SIRPB2: variants seen among roughly 807,000 people sequenced by gnomAD.
SIRPB2 encodes the protein signal regulatory protein beta 2.
A neutral mutation model predicts 27.1 loss-of-function variants in SIRPB2; 18 were observed. That is an observed-to-expected ratio of 0.66 (90% CI 0.46 to 0.98). The LOEUF (loss-of-function observed/expected upper bound fraction) is 0.98, where lower values mean the gene tolerates loss of function less well. Among genes scored for constraint, SIRPB2 ranks in the 50% least tolerant of loss-of-function variants. The pLI is 0.00. For missense variants in SIRPB2, 420 were observed against 417.4 expected (o/e 1.01, Z -0.06); for synonymous variants, 150 against 164.6 (o/e 0.91, Z 0.68).
rs1370581015 is a variant in SIRPB2, at chr20:1,479,487, C to T, written c.451+213G>A. The T allele has an allele frequency of 7.1e-6, 5 of 700,366 alleles. No individual in the cohort carries two copies. In the Admixed American group the frequency reaches 1.3e-4, roughly 18 times the overall value. 43.4% of individuals were successfully genotyped at this position (700,366 alleles called of 1,614,324 possible). On this transcript the variant is annotated intron_variant, in intron 2 of 4. Coordinates refer to ENST00000359801, the MANE Select transcript of SIRPB2 (RefSeq NM_001122962.2). ...TGCCATCTTTATGAGAAAACATGCC[C>T]CACATAGTTGCTACCTCTCCAGCCT...
intron 1 of SIRPB2, among the ~76,000 whole-genome samples, chr20:1,481,518 C>T (rs1247635802): frequency 1.3e-5 from 2 of 152,136 alleles, no homozygotes; most frequent in Admixed American, 1.3e-4. Context: ...TTGTGAATAG[C>T]TCAGTCTCAC....
chr20:1,478,458 G>T lies in SIRPB2; in HGVS notation c.601C>A (p.Arg201=), dbSNP rs373224185. 1.1e-5 allele frequency: 17 copies of T among 1,613,992 alleles called. No homozygotes were observed. The East Asian group carries it at 3.1e-4, about 30-fold the overall frequency. ...CCTCCAAAGTTGTAAATGGCCTCCCGGCTCAGACCAGCTCCCTGGAACCAC... is the reference window on the plus strand; with the variant it reads ...CCTCCAAAGTTGTAAATGGCCTCCCTGCTCAGACCAGCTCCCTGGAACCAC... ...IRWFQGAGLS[R]EAIYNFGGIS... is the part of the protein sequence containing the mutation. Residue 201 remains arginine (R), a synonymous_variant, in exon 3 of 5, where the codon CGG becomes AGG. Transcript: ENST00000359801.
chr20:1,482,495 A>T, intron 1 of SIRPB2, among the ~76,000 whole-genome samples: 1 of 145,880 alleles, frequency 6.9e-6, no homozygotes, highest in South Asian at 2.2e-4. Context: ...TGTCTGGCTC[A>T]CTCCTTCCTT....
At chr20:1,490,730 C>A (rs116915964) in intron 1 of SIRPB2, among the ~76,000 whole-genome samples, 1 of 152,150 alleles carries the variant, frequency 6.6e-6, no homozygotes, top group African/African-American at 2.4e-5. Flanking sequence ...GAGCCTACTG[C>A]GTCTTAAGCT....
intron 1 of SIRPB2, among the ~76,000 whole-genome samples, chr20:1,486,921 C>A (rs1377287228): frequency 6.6e-6 from 1 of 152,142 alleles, no homozygotes; most frequent in Non-Finnish European, 1.5e-5. Flanking sequence ...AGATCAGGAA[C>A]TAGACAAAGA....
intron 1 of SIRPB2, among the ~76,000 whole-genome samples, chr20:1,487,431 C>G (rs1438240609): frequency 1.3e-5 from 2 of 152,194 alleles, no homozygotes; most frequent in Non-Finnish European, 2.9e-5. Context: ...GCAGGCTTCA[C>G]TTTAGCATTG....
chr20:1,478,140 G>C, intron 3 of SIRPB2, 126 bp downstream of exon 3: 1 of 892,282 alleles, frequency 1.1e-6, no homozygotes. Flanking sequence ...AAGCATTCCA[G>C]GTAGAGGGAA....
intron 1 of SIRPB2, among the ~76,000 whole-genome samples, chr20:1,483,170 C>T (rs916868776): frequency 8.0e-5 from 12 of 150,268 alleles, no homozygotes; most frequent in Admixed American, 6.6e-4. Context: ...GCAGTGGCAC[C>T]ATCTCAGCTC....
intron 1 of SIRPB2, chr20:1,480,307 C>G: frequency 2.0e-6 from 1 of 492,996 alleles, no homozygotes; most frequent in Non-Finnish European, 3.6e-6. Flanking sequence ...GTGCTGGGCC[C>G]TGCGTGCATG....
At chr20:1,478,183 A>C (rs2090626223) in intron 3 of SIRPB2, 83 bp downstream of exon 3, 3 of 1,280,286 alleles carry the variant, frequency 2.3e-6, no homozygotes. Flanking sequence ...GCTGTGAAGA[A>C]CTGGCTTGTT....
rs191472049 is a variant in SIRPB2, at chr20:1,478,167, A to T, written c.793+99T>A. On this transcript the variant is annotated intron_variant, in intron 3 of 4. Transcript: ENST00000359801. ...TAGAGGGAAAAACTTATGTAAAGAC[A>T]TGGAGGCTGTGAAGAACTGGCTTGT... The T allele has an allele frequency of 6.3e-5, 69 of 1,102,226 alleles. 1 individual carries two copies. In the Admixed American group the frequency reaches 1.2e-3, roughly 20 times the overall value. 68.3% of individuals were successfully genotyped at this position (1,102,226 alleles called of 1,614,324 possible). A position where few individuals can be genotyped will look rare whatever the true frequency, so the allele number is the denominator to read the frequency against.
At chr20:1,473,841 C>T (rs2090589984), downstream of SIRPB2, 3 of 456,146 alleles carry the variant, frequency 6.6e-6, no homozygotes, top group African/African-American at 2.0e-5. Context: ...TTTCAGCTTC[C>T]CGTGGCCGCT....
intron 1 of SIRPB2, among the ~76,000 whole-genome samples, chr20:1,485,432 A>G (rs781643070): frequency 6.6e-6 from 1 of 152,326 alleles, no homozygotes; most frequent in South Asian, 2.1e-4. Flanking sequence ...AAATGAAAAC[A>G]TAATATAAAA....
At chr20:1,476,985 G>A in intron 4 of SIRPB2, 1 of 1,235,116 alleles carries the variant, frequency 8.1e-7, no homozygotes, top group South Asian at 1.5e-5. Context: ...CATTACACTA[G>A]GAAGGGGCTC....
intron 2 of SIRPB2, 178 bp downstream of exon 2, chr20:1,479,522 C>A: frequency 1.0e-6 from 1 of 961,818 alleles, no homozygotes; most frequent in African/African-American, 1.6e-5. Context: ...TGGGCTCTGG[C>A]ATGAGACATG....
At chr20:1,473,482 G>A (rs113430223), downstream of SIRPB2, among the ~76,000 whole-genome samples, 5 of 152,056 alleles carry the variant, frequency 3.3e-5, no homozygotes, top group African/African-American at 7.2e-5. Context: ...ATGCATGTGC[G>A]CTCACACACA....
chr20:1,476,485 C>T lies in SIRPB2; in HGVS notation c.860-149G>A, dbSNP rs189853661. The stretch of plus-strand genomic sequence containing the variant: ...CTACATTGAAAGAGGAGATCAAAGA[C>T]CACCCTTCCCTCTGCCCTGGGCCCA... On this transcript the variant is annotated intron_variant, in intron 4 of 4. Transcript: ENST00000359801. 177 of 932,444 alleles carry T rather than the reference C, an allele frequency of 1.9e-4. 1 individual carries two copies. In the East Asian group the frequency reaches 4.7e-3, roughly 25 times the overall value. 57.8% of individuals were successfully genotyped at this position (932,444 alleles called of 1,614,324 possible).
intron 1 of SIRPB2, among the ~76,000 whole-genome samples, chr20:1,484,985 G>A (rs1190379467): frequency 6.6e-6 from 1 of 152,156 alleles, no homozygotes; most frequent in Admixed American, 6.5e-5. Flanking sequence ...AATAAGCCAG[G>A]CACAGAAAGA....
At chr20:1,489,770 A>G (rs1421772833) in intron 1 of SIRPB2, among the ~76,000 whole-genome samples, 1 of 151,702 alleles carries the variant, frequency 6.6e-6, no homozygotes, top group Non-Finnish European at 1.5e-5. Context: ...AGGGGCACTC[A>G]TATTTTTCTC....
Sources: allele counts gnomAD v4.1 joint callset (sites outside exome capture counted in the v4.1 genomes callset), GRCh38; gene constraint gnomAD v4.1.1; transcripts MANE v1.5; gene names NCBI Gene and HGNC (gene_info 2026-07-23, HGNC 2026-07-21).